Variants in TBCK observed in about 807,000 individuals in gnomAD.
TBCK encodes the protein TBC domain-containing protein kinase-like protein.
TBCK carries 99 observed loss-of-function variants against 113.4 expected under a neutral mutation model. The observed-to-expected ratio is 0.87, with a 90% CI of 0.74 to 1.03. The LOEUF (loss-of-function observed/expected upper bound fraction) is 1.03, where lower values mean the gene tolerates loss of function less well. TBCK is among the 50% of genes least tolerant of loss of function. The probability of loss-of-function intolerance (pLI) is 0.00; values close to 1 mark genes in which losing one functional copy is unlikely to be tolerated. For synonymous variants in TBCK, 369 were observed against 370.8 expected, an observed-to-expected ratio of 1.00 and a Z score of 0.05; for missense variants, 1,045 against 1,061.3, an observed-to-expected ratio of 0.98 and a Z score of 0.21.
At chr4:106,311,944 C>T (rs887205774) in intron 1 of TBCK, among the ~76,000 whole-genome samples, 2 of 152,012 alleles carry the variant, frequency 1.3e-5, no homozygotes, top group African/African-American at 2.4e-5. Flanking sequence ...TAGGCTTAAG[C>T]GTAAAAGGTA....
At chr4:106,117,761 G>C (rs1298281924) in intron 23 of TBCK, among the ~76,000 whole-genome samples, 1 of 152,136 alleles carries the variant, frequency 6.6e-6, no homozygotes, top group East Asian at 1.9e-4. Flanking sequence ...TGTAATCCCA[G>C]CACTTTGGGA....
intron 4 of TBCK, among the ~76,000 whole-genome samples, chr4:106,261,515 G>T (rs1167405352): frequency 6.6e-6 from 1 of 151,988 alleles, no homozygotes; most frequent in Non-Finnish European, 1.5e-5. Context: ...TTATGAAAAG[G>T]AATCAAATTA....
intron 19 of TBCK, among the ~76,000 whole-genome samples, chr4:106,228,471 C>T (rs1459375431): frequency 6.6e-6 from 1 of 151,876 alleles, no homozygotes; most frequent in Non-Finnish European, 1.5e-5. Flanking sequence ...TTTCAGATCC[C>T]ACCAATAAGT....
intron 23 of TBCK, among the ~76,000 whole-genome samples, chr4:106,118,133 G>A (rs1028802301): frequency 2.0e-5 from 3 of 151,632 alleles, no homozygotes; most frequent in Non-Finnish European, 2.9e-5. Context: ...TAATTATCTC[G>A]TTTACTCATT....
chr4:106,248,832 A>C, intron 8 of TBCK, 89 bp downstream of exon 8: 1 of 1,095,802 alleles, frequency 9.1e-7, no homozygotes, highest in Non-Finnish European at 1.3e-6. Context: ...TAACTGTGGA[A>C]AAATAAATTT....
intron 24 of TBCK, among the ~76,000 whole-genome samples, chr4:106,108,731 G>A (rs940878128): frequency 6.6e-6 from 1 of 152,114 alleles, no homozygotes. Context: ...CCACTTCTAT[G>A]CAACATACTA....
chr4:106,258,815 C>T (rs1271906348), intron 5 of TBCK, among the ~76,000 whole-genome samples: 3 of 151,910 alleles, frequency 2.0e-5, no homozygotes, highest in African/African-American at 7.2e-5. Flanking sequence ...TAGAGCCTCA[C>T]TAAAAACTTA....
intron 3 of TBCK, among the ~76,000 whole-genome samples, chr4:106,285,670 A>T (rs1765043831): frequency 6.6e-6 from 1 of 152,186 alleles, no homozygotes; most frequent in South Asian, 2.1e-4. Context: ...AATCAACTGC[A>T]AATTACGACC....
intron 1 of TBCK, among the ~76,000 whole-genome samples, chr4:106,312,160 A>G (rs1043271840): frequency 6.6e-6 from 1 of 152,106 alleles, no homozygotes; most frequent in African/African-American, 2.4e-5. Context: ...TATTATTTAC[A>G]TCTGTCTGTA....
chr4:106,056,981 A>G (rs1735507995), intron 25 of TBCK, among the ~76,000 whole-genome samples: 1 of 151,876 alleles, frequency 6.6e-6, no homozygotes, highest in Non-Finnish European at 1.5e-5. Flanking sequence ...TATTTACATG[A>G]AAGGTTAACA....
At chr4:106,220,754 T>C (rs889544748) in intron 19 of TBCK, among the ~76,000 whole-genome samples, 1 of 152,206 alleles carries the variant, frequency 6.6e-6, no homozygotes, top group Non-Finnish European at 1.5e-5. Context: ...TCAAGAGTTA[T>C]AGATCAAAGT....
intron 25 of TBCK, among the ~76,000 whole-genome samples, chr4:106,071,064 A>ATTTTTTGAAAGGT (rs1553923423): frequency 6.6e-6 from 1 of 152,048 alleles, no homozygotes. Context: ...GGATTCAGTG[A>ATTTTTTGAAAGGT]TTTTTTGAAA....
chr4:106,292,478 G>C (rs1479868962), intron 3 of TBCK, among the ~76,000 whole-genome samples: 1 of 151,598 alleles, frequency 6.6e-6, no homozygotes, highest in African/African-American at 2.4e-5. Context: ...GCTGAGGCAG[G>C]AGAATGGCAT....
intron 25 of TBCK, among the ~76,000 whole-genome samples, chr4:106,089,803 GA>G (rs1739992902): frequency 6.6e-6 from 1 of 152,260 alleles, no homozygotes; most frequent in Non-Finnish European, 1.5e-5. Context: ...ATCCTGGGCA[GA>G]ATGGTGTGAG....
chr4:106,311,055 C>G (rs1314013084), intron 1 of TBCK, among the ~76,000 whole-genome samples: 1 of 151,974 alleles, frequency 6.6e-6, no homozygotes, highest in Non-Finnish European at 1.5e-5. Context: ...ACTGGACAGT[C>G]AAAAATTAAG....
At chr4:106,105,102 A>T (rs1741988480) in intron 24 of TBCK, among the ~76,000 whole-genome samples, 1 of 152,166 alleles carries the variant, frequency 6.6e-6, no homozygotes, top group Non-Finnish European at 1.5e-5. Context: ...TGCCCTAGCC[A>T]CCCTTGAACT....
rs1761772703 is a variant in TBCK, at chr4:106,254,482, C to CT, written c.456-2476dup. On this transcript the variant is annotated intron_variant, in intron 5 of 25. Transcript: ENST00000394708. ...ATGACTTGAAATATTTTCTACCACT[C>CT]TGTGGTTTTGTCTTTTCTTTCTCTT... 2.0e-5 allele frequency among the ~76,000 whole-genome samples: 3 copies of CT among 152,306 alleles called. No individual in the cohort carries two copies. The South Asian group carries it at 6.2e-4, about 32-fold the overall frequency.
intron 3 of TBCK, among the ~76,000 whole-genome samples, chr4:106,277,090 T>C (rs1432299336): frequency 6.6e-6 from 1 of 151,950 alleles, no homozygotes; most frequent in East Asian, 1.9e-4. Flanking sequence ...ACATGAAAAA[T>C]ACTCAATATC....
intron 23 of TBCK, among the ~76,000 whole-genome samples, chr4:106,122,578 C>A (rs942625375): frequency 2.0e-5 from 3 of 152,160 alleles, no homozygotes; most frequent in East Asian, 1.9e-4. Flanking sequence ...GCAAAAAAAG[C>A]GAATTTTAGA....
Sources: gnomAD v4.1 joint callset for allele counts (sites outside exome capture counted in the v4.1 genomes callset) on GRCh38, gnomAD v4.1.1 for gene constraint, MANE v1.5 for transcripts, NCBI Gene and HGNC (gene_info 2026-07-23, HGNC 2026-07-21) for gene names.